The following WDR18 variants were observed in gnomAD, a reference collection of about 807,000 sequenced individuals.
WDR18 encodes the protein WD repeat domain 18.
In WDR18, 33 loss-of-function variants were observed where a neutral mutation model predicts 49.6. The observed-to-expected ratio is 0.67, with a 90% CI of 0.50 to 0.89. WDR18 has a LOEUF of 0.89. Among genes scored for constraint, WDR18 ranks in the 40% least tolerant of loss-of-function variants. The pLI is 0.00. For missense variants in WDR18, 653 were observed against 593.6 expected, an observed-to-expected ratio of 1.10 and a Z score of -1.04; for synonymous variants, 315 against 263.6, an observed-to-expected ratio of 1.19 and a Z score of -1.89.
At position 985,849 on chromosome 19, in the gene WDR18, G is replaced by A. The variant is rs1158553403; in HGVS notation, c.211-16G>A. Reference sequence around the variant, plus strand: ...TGTCCTGCATGGGGCTCACGAGGCTGACTGTGCATCCTTAGGACCAGCTCC... The same window carrying A: ...TGTCCTGCATGGGGCTCACGAGGCTAACTGTGCATCCTTAGGACCAGCTCC... On this transcript the variant is annotated splice_polypyrimidine_tract_variant and intron_variant, in intron 1 of 9. Coordinates refer to ENST00000585809, the MANE Select transcript of WDR18 (RefSeq NM_024100.4). 1 of 1,613,344 alleles carries A rather than the reference G, an allele frequency of 6.2e-7. No individual in the cohort carries two copies. The highest frequency in any genetic ancestry group is 8.5e-7 in the Non-Finnish European group (1 of 1,179,752).
intron 2 of WDR18, among the ~76,000 whole-genome samples, chr19:988,413 G>A (rs1478972184): frequency 6.6e-6 from 1 of 152,192 alleles, no homozygotes; most frequent in Non-Finnish European, 1.5e-5. Context: ...TCCCGGCCCT[G>A]GGCAGTGGTG....
chr19:985,661 C>T (rs2038467033), intron 1 of WDR18, among the ~76,000 whole-genome samples: 1 of 152,206 alleles, frequency 6.6e-6, no homozygotes, highest in African/African-American at 2.4e-5. Context: ...AACCTCACAT[C>T]TACCACCTCC....
intron 3 of WDR18, 143 bp from the exon 4 acceptor site, chr19:990,080 G>A: frequency 7.2e-7 from 1 of 1,384,560 alleles, no homozygotes; most frequent in South Asian, 1.5e-5. Flanking sequence ...GGGGCCGTGG[G>A]GGCCCAGCCT....
chr19:992,969 G>A (rs2038579351), intron 8 of WDR18, among the ~76,000 whole-genome samples: 1 of 152,242 alleles, frequency 6.6e-6, no homozygotes, highest in Non-Finnish European at 1.5e-5. Flanking sequence ...GGCCTGACAG[G>A]CCCTGCACCA....
rs1453423320 is a variant in WDR18 at position 994,296 on chromosome 19, G to A, written c.1251G>A (p.Arg417=). The change falls in exon 10 of 10, where the codon CGG becomes CGA. Residue 417 remains arginine (R), a synonymous_variant. Transcript: ENST00000585809. ...TGCGCAACCTGCGCAAGATCAATCGGGACCTGTTCGACTTCTCCACGCGCT... is the reference window on the plus strand; with the variant it reads ...TGCGCAACCTGCGCAAGATCAATCGAGACCTGTTCGACTTCTCCACGCGCT... ...DEVRNLRKIN[R]DLFDFSTRFI... The A allele has an allele frequency of 1.2e-6, 2 of 1,611,162 alleles. No individual in the cohort carries two copies. Among genetic ancestry groups the A allele is most frequent in the Admixed American group, 1.7e-5 (1 of 59,920 alleles).
Position 991,090 on chromosome 19 carries a change from AG to A in WDR18, c.754del (p.Glu252ArgfsTer21). 6.2e-7 allele frequency: 1 copy of A among 1,601,772 alleles called. No homozygotes were observed. The highest frequency in any genetic ancestry group is 8.5e-7 in the Non-Finnish European group (1 of 1,174,706). On this transcript the variant is annotated frameshift_variant, in exon 6 of 10. Transcript: ENST00000585809. LOFTEE classifies it high-confidence loss of function. Reference protein sequence around the residue: ...QVDLFTWPGQRERSFHPEQDA... With the variant: ...QVDLFTWPGQXERSFHPEQDA... ...GTCTCGGCCTTCGCAGCCCGGACAG[AG>A]GGAGAGGAGCTTCCACCCAGAGCAG...
intron 4 of WDR18, 111 bp from the exon 5 acceptor site, chr19:990,741 G>T: frequency 6.9e-7 from 1 of 1,448,810 alleles, no homozygotes; most frequent in South Asian, 1.4e-5. Context: ...AAAGTCGCAA[G>T]CCCTAGGGCC....
intron 2 of WDR18, among the ~76,000 whole-genome samples, chr19:988,115 C>G (rs1452218879): frequency 6.6e-6 from 1 of 151,842 alleles, no homozygotes; most frequent in African/African-American, 2.4e-5. Flanking sequence ...CAGGCGTGAG[C>G]CACTGCAGCT....
Position 989,720 on chromosome 19 carries a change from G to A in WDR18, c.322-42G>A, listed in dbSNP as rs367728342. On this transcript the variant is annotated intron_variant, in intron 2 of 9. Transcript: ENST00000585809. ...GCTGCAGCCCCCCTTTCCTCCCCTG[G>A]GGCTTTCCTCCCCTGACCTGGATAC... 6.2e-6 allele frequency: 10 copies of A among 1,609,332 alleles called. No homozygotes were observed. The African/African-American group carries it at 1.1e-4, about 17-fold the overall frequency.
intron 8 of WDR18, among the ~76,000 whole-genome samples, 163 bp downstream of exon 8, chr19:992,284 C>T (rs560468166): frequency 6.6e-6 from 1 of 152,306 alleles, no homozygotes; most frequent in Non-Finnish European, 1.5e-5. Flanking sequence ...CTCGGTGGGG[C>T]CTCTGCCCAC....
chr19:989,667 C>T, intron 2 of WDR18, 95 bp from the exon 3 acceptor site: 1 of 1,543,794 alleles, frequency 6.5e-7, no homozygotes, highest in Non-Finnish European at 8.8e-7. Context: ...ACAGTGTGGC[C>T]ATGGCCGTGC....
At chr19:990,689 G>A (rs1399252231) in intron 4 of WDR18, 163 bp from the exon 5 acceptor site, 1 of 1,109,964 alleles carries the variant, frequency 9.0e-7, no homozygotes, top group Non-Finnish European at 1.2e-6. Flanking sequence ...CACAGGCCAT[G>A]TCCCCTGGCC....
chr19:990,308 G>A lies in WDR18; in HGVS notation c.541G>A (p.Gly181Ser), dbSNP rs756099558. ...GCTCCCCATCACGGACCTGCACTGC[G>A]GCTTTGGGGGCCCCCTGGCCCGGGT... is the stretch of plus-strand genomic sequence containing the variant. Reference protein sequence around the residue: ...HALPITDLHCGFGGPLARVAT... With the variant: ...HALPITDLHCSFGGPLARVAT... The change falls in exon 4 of 10, where the codon GGC (glycine) becomes AGC (serine). Residue 181 changes from glycine (G) to serine (S), a missense_variant. Physicochemically the swap from Gly to Ser is moderately conservative, Grantham distance 56. Coordinates refer to ENST00000585809, the MANE Select transcript of WDR18 (RefSeq NM_024100.4). 37 of 1,596,946 alleles carry A rather than the reference G, an allele frequency of 2.3e-5. No homozygotes were observed. The highest frequency in any genetic ancestry group is 2.7e-5 in the African/African-American group (2 of 74,808).
intron 8 of WDR18, among the ~76,000 whole-genome samples, chr19:992,903 C>G (rs2240152): frequency 1.3e-5 from 2 of 152,104 alleles, no homozygotes; most frequent in Non-Finnish European, 2.9e-5. Flanking sequence ...CACGCGCCCT[C>G]TTCTTACCTG....
In WDR18 at chr19:989,844, A is replaced by G; in HGVS notation, c.404A>G (p.His135Arg). 1 of 1,612,660 alleles carries G rather than the reference A, an allele frequency of 6.2e-7. No individual in the cohort carries two copies. The highest frequency in any genetic ancestry group is 8.5e-7 in the Non-Finnish European group (1 of 1,179,760). The part of the protein sequence containing the change: ...SCLQFTGDSS[H>R]FISGGKDCLV... ...CTTCAGTTCACAGGGGACAGCAGCC[A>G]CTTCATCTCAGGGGGCAAGGACTGC... The change falls in exon 3 of 10, where the codon CAC becomes CGC. Residue 135 changes from histidine to arginine, a missense_variant. By Grantham distance (29) the His-to-Arg change is conservative. Transcript: ENST00000585809.
At chr19:985,188 C>T (rs1264662694) in intron 1 of WDR18, among the ~76,000 whole-genome samples, 3 of 152,148 alleles carry the variant, frequency 2.0e-5, no homozygotes, top group Non-Finnish European at 2.9e-5. Flanking sequence ...AGTTTTGAGA[C>T]AGGGTCTCAC....
chr19:983,199 T>A (rs1396337460), upstream of WDR18, among the ~76,000 whole-genome samples: 1 of 152,164 alleles, frequency 6.6e-6, no homozygotes, highest in Admixed American at 6.5e-5. Flanking sequence ...TCCCAGCGGT[T>A]TAAGAGGCCA....
At chr19:992,777 G>A (rs2038577159) in intron 8 of WDR18, among the ~76,000 whole-genome samples, 1 of 152,228 alleles carries the variant, frequency 6.6e-6, no homozygotes, top group African/African-American at 2.4e-5. Context: ...GGCCTGGGGA[G>A]GCTTCCCAGT....
Position 984,443 on chromosome 19 carries a change from C to G in WDR18, c.90C>G (p.Asn30Lys). 1.3e-6 allele frequency: 2 copies of G among 1,599,420 alleles called. No homozygotes were observed. Among genetic ancestry groups the G allele is most frequent in the South Asian group, 1.1e-5 (1 of 88,592 alleles). ...CIVWELHSGA[N>K]LLTYRGGQAG... Reference sequence around the variant, plus strand: ...TGTGGGAACTTCACTCGGGCGCCAACCTGCTCACCTACCGCGGCGGCCAGG... The same window carrying G: ...TGTGGGAACTTCACTCGGGCGCCAAGCTGCTCACCTACCGCGGCGGCCAGG... Residue 30 changes from asparagine to lysine, a missense_variant, in exon 1 of 10, where the codon AAC (asparagine) becomes AAG (lysine). By Grantham distance (94) the Asn-to-Lys change is moderately conservative. Transcript: ENST00000585809.
Sources: allele counts gnomAD v4.1 joint callset (sites outside exome capture counted in the v4.1 genomes callset), GRCh38; gene constraint gnomAD v4.1.1; transcripts MANE v1.5; gene names NCBI Gene and HGNC (gene_info 2026-07-23, HGNC 2026-07-21).